The following TMEM108 variants were observed in gnomAD, a reference collection of about 807,000 sequenced individuals.
The protein encoded by TMEM108 is cancer/testis antigen 124.
Under a neutral mutation model 35.1 loss-of-function variants are expected in TMEM108, and 12 were observed. That is an observed-to-expected ratio of 0.34 (90% CI 0.22 to 0.55). TMEM108 has a LOEUF of 0.55. TMEM108 is among the 20% of genes least tolerant of loss of function. The pLI is 0.89. For synonymous variants in TMEM108, 287 were observed against 308.6 expected (o/e 0.93, Z 0.73); for missense variants, 680 against 753.3 (o/e 0.90, Z 1.14).
chr3:133,105,951 G>C (rs552741132), intron 2 of TMEM108, among the ~76,000 whole-genome samples: 1 of 152,104 alleles, frequency 6.6e-6, no homozygotes, highest in African/African-American at 2.4e-5. Context: ...AAGGGTAAAG[G>C]TCCTTCTAAA....
Position 133,269,704 on chromosome 3 carries a change from T to A in TMEM108, c.40+40353T>A, listed in dbSNP as rs141494781. Among the ~76,000 whole-genome samples the A allele has an allele frequency of 2.4e-3, 358 of 152,328 alleles. 1 individual carries two copies. Among genetic ancestry groups the A allele is most frequent in the African/African-American group, 7.9e-3 (328 of 41,578 alleles). On this transcript the variant is annotated intron_variant, in intron 3 of 5. Coordinates refer to ENST00000321871, the MANE Select transcript of TMEM108 (RefSeq NM_023943.4). Reference sequence around the variant, plus strand: ...TTGGACTCTCACATGATATGAAGTTTTCATTGCTATTTAGAGTGGTTAGAC... The same window carrying A: ...TTGGACTCTCACATGATATGAAGTTATCATTGCTATTTAGAGTGGTTAGAC...
intron 2 of TMEM108, among the ~76,000 whole-genome samples, chr3:133,190,058 C>T (rs939872462): frequency 2.6e-5 from 4 of 151,168 alleles, no homozygotes; most frequent in Admixed American, 6.6e-5. Context: ...GATTGTAGTA[C>T]TGACTTCATC....
chr3:133,260,580 G>A (rs1946610102), intron 3 of TMEM108, among the ~76,000 whole-genome samples: 1 of 152,186 alleles, frequency 6.6e-6, no homozygotes, highest in Admixed American at 6.5e-5. Context: ...GAGAACCAGT[G>A]GAATGAGATG....
chr3:133,061,663 A>G (rs1350251218), intron 2 of TMEM108, among the ~76,000 whole-genome samples: 1 of 152,212 alleles, frequency 6.6e-6, no homozygotes, highest in Non-Finnish European at 1.5e-5. Flanking sequence ...TTAACTGTAT[A>G]TGCCCTATAA....
chr3:133,233,024 T>C (rs1946176172), intron 3 of TMEM108, among the ~76,000 whole-genome samples: 11 of 133,352 alleles, frequency 8.2e-5, no homozygotes, highest in Admixed American at 7.8e-4. Context: ...TTTACCACTT[T>C]CGTTTTTTTT....
At chr3:133,390,687 A>C (rs1373410113) in intron 5 of TMEM108, among the ~76,000 whole-genome samples, 1 of 152,142 alleles carries the variant, frequency 6.6e-6, no homozygotes, top group African/African-American at 2.4e-5. Flanking sequence ...AGGTTCTGAG[A>C]TGTGGCTGGA....
chr3:133,076,705 C>T (rs994005903), intron 2 of TMEM108, among the ~76,000 whole-genome samples: 2 of 152,208 alleles, frequency 1.3e-5, no homozygotes, highest in Non-Finnish European at 2.9e-5. Context: ...ATTGCCCAGC[C>T]ATCCTCATTT....
chr3:133,119,655 A>G (rs1944328457), intron 2 of TMEM108: 1 of 152,146 alleles, frequency 6.6e-6, no homozygotes, highest in African/African-American at 2.4e-5. Flanking sequence ...TTTGCATCCT[A>G]ACTATCTACT....
intron 2 of TMEM108, among the ~76,000 whole-genome samples, chr3:133,087,513 G>A (rs781086140): frequency 1.3e-5 from 2 of 152,122 alleles, no homozygotes; most frequent in South Asian, 4.2e-4. Context: ...TTCCTTGCTT[G>A]TTCTTTATGC....
At position 133,313,186 on chromosome 3, in the gene TMEM108, A is replaced by G. The variant is rs192958425; in HGVS notation, c.41-66566A>G. On this transcript the variant is annotated intron_variant, in intron 3 of 5. Coordinates refer to ENST00000321871, the MANE Select transcript of TMEM108 (RefSeq NM_023943.4). ...TTCAAAATTTCTGGATAATTTCTGC[A>G]AATACATATATATAATTTTTTTTTT... is the stretch of plus-strand genomic sequence containing the variant. 2.3e-3 allele frequency among the ~76,000 whole-genome samples: 348 copies of G among 151,734 alleles called. 3 individuals are homozygous for G. Among genetic ancestry groups the G allele is most frequent in the African/African-American group, 7.9e-3 (326 of 41,312 alleles).
At chr3:133,117,159 T>C (rs1392480874) in intron 2 of TMEM108, among the ~76,000 whole-genome samples, 1 of 152,240 alleles carries the variant, frequency 6.6e-6, no homozygotes, top group Non-Finnish European at 1.5e-5. Context: ...CATAGGCTGA[T>C]AGTTTACTCT....
At chr3:133,300,975 TACACACACACACACACACAC>T (rs66703555) in intron 3 of TMEM108, among the ~76,000 whole-genome samples, 4,077 of 131,318 alleles carry the variant, frequency 0.031, 171 homozygotes, top group African/African-American at 0.079. Context: ...CAGACCCCAG[TACACACACACACACACACAC>T]ACACACACAC....
chr3:133,350,468 C>T (rs1034112405), intron 3 of TMEM108, among the ~76,000 whole-genome samples: 1 of 152,104 alleles, frequency 6.6e-6, no homozygotes. Flanking sequence ...ATGATAAATG[C>T]ATGAGGTAAT....
chr3:133,094,759 A>G (rs1943992561), intron 2 of TMEM108, among the ~76,000 whole-genome samples: 2 of 152,186 alleles, frequency 1.3e-5, no homozygotes, highest in Non-Finnish European at 1.5e-5. Flanking sequence ...ATTAAGCCAC[A>G]TAGATCCCCT....
At chr3:133,257,696 A>T (rs1222932194) in intron 3 of TMEM108, among the ~76,000 whole-genome samples, 1 of 152,262 alleles carries the variant, frequency 6.6e-6, no homozygotes, top group Non-Finnish European at 1.5e-5. Context: ...TGAGTAAAGG[A>T]GCAAATGAAA....
Position 133,239,399 on chromosome 3 carries a change from A to C in TMEM108, c.40+10048A>C, listed in dbSNP as rs1324128704. ...GATTGGCTTTGATTAGTGTTTCCCA[A>C]ATCTGGCTGTACACTAGAATCACCT... On this transcript the variant is annotated intron_variant, in intron 3 of 5. Transcript: ENST00000321871. Among the ~76,000 whole-genome samples, 3 of 152,116 alleles carry C rather than the reference A, an allele frequency of 2.0e-5. No homozygotes were observed. The East Asian group carries it at 5.8e-4, about 29-fold the overall frequency.
At chr3:133,318,260 C>T (rs1412942143) in intron 3 of TMEM108, among the ~76,000 whole-genome samples, 1 of 152,178 alleles carries the variant, frequency 6.6e-6, no homozygotes, top group East Asian at 1.9e-4. Flanking sequence ...GGAGTGAACG[C>T]CCCTGGAAGA....
chr3:133,044,326 C>T (rs4854680), intron 1 of TMEM108, among the ~76,000 whole-genome samples: 3 of 151,796 alleles, frequency 2.0e-5, no homozygotes, highest in African/African-American at 2.4e-5. Context: ...GTAGGAGAGT[C>T]GTGACTACTT....
chr3:133,372,156 G>A (rs185800808), intron 3 of TMEM108, among the ~76,000 whole-genome samples: 1 of 152,204 alleles, frequency 6.6e-6, no homozygotes, highest in African/African-American at 2.4e-5. Context: ...GGAAAGATTT[G>A]TTTTTTTGTC....
Sources: allele counts gnomAD v4.1 joint callset (sites outside exome capture counted in the v4.1 genomes callset), GRCh38; gene constraint gnomAD v4.1.1; transcripts MANE v1.5; gene names NCBI Gene and HGNC (gene_info 2026-07-23, HGNC 2026-07-21).